SYMPK: variants seen among roughly 807,000 people sequenced by gnomAD.
The protein encoded by SYMPK is symplekin.
Under a neutral mutation model 136.4 loss-of-function variants are expected in SYMPK, and 49 were observed. The ratio of observed to expected loss-of-function variants is 0.36; its 90% CI spans 0.29 to 0.46. The LOEUF is 0.46. SYMPK is among the 20% of genes least tolerant of loss of function. SYMPK has a pLI of 1.00. For missense variants in SYMPK, 1,365 were observed against 1,690.0 expected, an observed-to-expected ratio of 0.81 and a Z score of 3.37; for synonymous variants, 766 against 713.0, an observed-to-expected ratio of 1.07 and a Z score of -1.19.
chr19:45,862,746 C>T (rs1050772449), intron 1 of SYMPK, among the ~76,000 whole-genome samples: 3 of 152,166 alleles, frequency 2.0e-5, no homozygotes, highest in African/African-American at 7.2e-5. Flanking sequence ...TGCAAAATCC[C>T]CGAAGCGGGA....
intron 22 of SYMPK, chr19:45,820,866 C>T (rs1435249178): frequency 2.0e-6 from 1 of 501,094 alleles, no homozygotes; most frequent in Non-Finnish European, 3.5e-6. Context: ...AGGCTCAGGC[C>T]TGTAGGCGTT....
In SYMPK at chr19:45,816,163, G is replaced by T. The variant is rs750695764; in HGVS notation, c.3375C>A (p.Thr1125=). 5 of 1,542,738 alleles carry T rather than the reference G, an allele frequency of 3.2e-6. No individual in the cohort carries two copies. Among genetic ancestry groups the T allele is most frequent in the East Asian group, 2.4e-5 (1 of 42,144 alleles). ...GCCGGGGTGCTGGGGCCGGGGCCAAGGTCAGGGGCTCCAGATCATCCTGGG... is the reference window on the plus strand; with the variant it reads ...GCCGGGGTGCTGGGGCCGGGGCCAATGTCAGGGGCTCCAGATCATCCTGGG... ...PLEEDDLEPL[T]LAPAPAPRPP... is the part of the protein sequence containing the mutation. Residue 1125 remains threonine, a synonymous_variant, in exon 26 of 27, where the codon ACC becomes ACA. Transcript: ENST00000245934.
rs750259200 is a variant in SYMPK, at chr19:45,816,587, G to A, written c.3259-10C>T. 45 of 1,613,308 alleles carry A rather than the reference G, an allele frequency of 2.8e-5. No homozygotes were observed. The highest frequency in any genetic ancestry group is 1.2e-4 in the Admixed American group (7 of 59,986). ...TAGGGATGTGAGCTTGCTGGGTGGA[G>A]AGCAGGAAGGGGGCGCTGGGGGCAG... is the stretch of plus-strand genomic sequence containing the variant. On this transcript the variant is annotated splice_polypyrimidine_tract_variant and intron_variant, in intron 24 of 26. Coordinates refer to ENST00000245934, the MANE Select transcript of SYMPK (RefSeq NM_004819.3).
At chr19:45,845,986 C>T (rs188932507) in intron 7 of SYMPK, among the ~76,000 whole-genome samples, 1 of 152,298 alleles carries the variant, frequency 6.6e-6, no homozygotes, top group African/African-American at 2.4e-5. Context: ...CCTGTAATCC[C>T]AGCACTTTGG....
At chr19:45,825,380 C>A in intron 17 of SYMPK, 49 bp from the exon 18 acceptor site, 1 of 1,582,510 alleles carries the variant, frequency 6.3e-7, no homozygotes, top group Non-Finnish European at 8.6e-7. Flanking sequence ...CTTCTCCAAC[C>A]CCCTCGGACC....
At position 45,831,595 on chromosome 19, in the gene SYMPK, G is replaced by C. The variant is rs571228237; in HGVS notation, c.1394-7C>G. 21 of 1,578,688 alleles carry C rather than the reference G, an allele frequency of 1.3e-5. No individual in the cohort carries two copies. The East Asian group carries it at 4.2e-4, about 31-fold the overall frequency. Reference sequence around the variant, plus strand: ...TGTTTGGTCTGCTCTACACCTGAGGGGGAGGCAGCAAACAGACACCCAGTG... The same window carrying C: ...TGTTTGGTCTGCTCTACACCTGAGGCGGAGGCAGCAAACAGACACCCAGTG... On this transcript the variant is annotated splice_polypyrimidine_tract_variant and splice_region_variant and intron_variant, in intron 11 of 26. Coordinates refer to ENST00000245934, the MANE Select transcript of SYMPK (RefSeq NM_004819.3).
At chr19:45,856,143 T>C (rs999711549) in intron 1 of SYMPK, among the ~76,000 whole-genome samples, 1 of 151,874 alleles carries the variant, frequency 6.6e-6, no homozygotes, top group Admixed American at 6.6e-5. Flanking sequence ...CGTCTGAGGT[T>C]AGGAGTTTGA....
At chr19:45,824,075 G>T (rs746629333) in intron 18 of SYMPK, 200 bp from the exon 19 acceptor site, 10 of 513,192 alleles carry the variant, frequency 1.9e-5, no homozygotes, top group Non-Finnish European at 3.2e-5. Flanking sequence ...CTCCAGACAT[G>T]GGCCTGCTCC....
intron 9 of SYMPK, among the ~76,000 whole-genome samples, chr19:45,840,626 G>T (rs1568619255): frequency 6.6e-6 from 1 of 151,684 alleles, no homozygotes; most frequent in Non-Finnish European, 1.5e-5. Context: ...TCCCACCACT[G>T]CACTCCAGCC....
intron 7 of SYMPK, among the ~76,000 whole-genome samples, chr19:45,846,684 C>G (rs1329892370): frequency 6.6e-6 from 1 of 152,122 alleles, no homozygotes; most frequent in Non-Finnish European, 1.5e-5. Context: ...CAGGAAAGAT[C>G]TGAAAGGAAA....
chr19:45,826,096 G>A (rs1423653156), intron 17 of SYMPK, 130 bp downstream of exon 17: 9 of 1,379,418 alleles, frequency 6.5e-6, no homozygotes, highest in East Asian at 5.0e-5. Context: ...CAGCCCCCAG[G>A]TGGCTGTCCC....
At chr19:45,822,630 G>A (rs1218834201) in intron 21 of SYMPK, 126 bp downstream of exon 21, 1 of 728,400 alleles carries the variant, frequency 1.4e-6, no homozygotes. Context: ...GAGATGTCCA[G>A]TACAGCTGGT....
intron 1 of SYMPK, 82 bp downstream of exon 1, chr19:45,862,976 C>A: frequency 7.5e-6 from 3 of 400,436 alleles, no homozygotes; most frequent in Non-Finnish European, 8.8e-6. Context: ...CTCCCCACGG[C>A]GATGCCCTCC....
rs1324509912 is a variant in SYMPK, at chr19:45,826,263, G to A, written c.2292C>T (p.Asn764=). The A allele has an allele frequency of 1.9e-6, 3 of 1,613,542 alleles. No homozygotes were observed. Among genetic ancestry groups the A allele is most frequent in the Non-Finnish European group, 2.5e-6 (3 of 1,179,776 alleles). Residue 764 remains asparagine (N), a synonymous_variant, in exon 17 of 27, where the codon AAC becomes AAT. Coordinates refer to ENST00000245934, the MANE Select transcript of SYMPK (RefSeq NM_004819.3). ...CAGCTCCAAACAGCACAGACGGTGG[G>A]TTGGGGTGCACCAGGAGCTGCAGGT... ...LNYLQLLVHP[N]PPSVLFGADK... is the part of the protein sequence containing the mutation.
Position 45,822,844 on chromosome 19 carries a change from T to C in SYMPK, c.2703A>G (p.Lys901=), listed in dbSNP as rs1344923253. The part of the protein sequence containing the change: ...LIPVLNGLEK[K]EVIQALPKLI... ...GTTTAGGCAGGGCCTGGATCACCTC[T>C]TTCTACAGGGAGAAGGTGGTGGGGG... The change falls in exon 21 of 27, where the codon AAA becomes AAG. Residue 901 remains lysine, a splice_region_variant and synonymous_variant. Coordinates refer to ENST00000245934, the MANE Select transcript of SYMPK (RefSeq NM_004819.3). The C allele has an allele frequency of 6.2e-7, 1 of 1,613,022 alleles. No individual in the cohort carries two copies. The highest frequency in any genetic ancestry group is 1.3e-5 in the African/African-American group (1 of 74,994).
chr19:45,829,427 A>C (rs1216471320), intron 13 of SYMPK, among the ~76,000 whole-genome samples: 2 of 152,094 alleles, frequency 1.3e-5, no homozygotes. Context: ...AATAAAAATG[A>C]GTTTCTAGGA....
rs866167280 is a variant in SYMPK at position 45,847,983 on chromosome 19, C to T, written c.445G>A (p.Val149Ile). 6.3e-7 allele frequency: 1 copy of T among 1,591,420 alleles called. No homozygotes were observed. Among genetic ancestry groups the T allele is most frequent in the Non-Finnish European group, 8.6e-7 (1 of 1,163,806 alleles). The change falls in exon 7 of 27, where the codon GTC becomes ATC. Residue 149 changes from valine (V) to isoleucine (I), a missense_variant. Val to Ile is a conservative substitution (Grantham distance 29). Around this residue, in one of 11 missense-constraint regions of SYMPK, gnomAD observed 237 missense variants for 292.9 expected, o/e 0.81. Coordinates refer to ENST00000245934, the MANE Select transcript of SYMPK (RefSeq NM_004819.3). ...CAGGCCTCCTGTAGCTCGCTAATGACCCGTGACTTTACCATCCACTGCCAG... is the reference window on the plus strand; with the variant it reads ...CAGGCCTCCTGTAGCTCGCTAATGATCCGTGACTTTACCATCCACTGCCAG... ...VALQWMVKSRVISELQEACWD... is the reference protein window; with the variant it reads ...VALQWMVKSRIISELQEACWD...
At position 45,815,906 on chromosome 19, in the gene SYMPK, G is replaced by A. The variant is rs1384306600; in HGVS notation, c.3632C>T (p.Ser1211Leu). Residue 1211 changes from serine to leucine, a missense_variant, in exon 26 of 27, where the codon TCG becomes TTG. By Grantham distance (145) the Ser-to-Leu change is moderately radical (BLOSUM62 -2). Coordinates refer to ENST00000245934, the MANE Select transcript of SYMPK (RefSeq NM_004819.3). ...PGIFISMDDD[S>L]GLTEAALLDS... ...CAACAGCGCGGCCTCGGTCAGCCCC[G>A]AGTCGTCATCCATGCTGATGAAGAT... The A allele has an allele frequency of 1.9e-6, 3 of 1,612,198 alleles. No individual in the cohort carries two copies. Among genetic ancestry groups the A allele is most frequent in the Non-Finnish European group, 2.5e-6 (3 of 1,179,890 alleles).
At chr19:45,841,976 TA>T (rs937615416) in intron 9 of SYMPK, among the ~76,000 whole-genome samples, 18 of 151,952 alleles carry the variant, frequency 1.2e-4, no homozygotes, top group African/African-American at 4.3e-4. Flanking sequence ...TCATATTAAA[TA>T]CTGTAATTTA....
Sources: allele counts gnomAD v4.1 joint callset (sites outside exome capture counted in the v4.1 genomes callset), GRCh38; gene constraint gnomAD v4.1.1; regional missense constraint gnomAD v4.1.1; transcripts MANE v1.5; gene names NCBI Gene and HGNC (gene_info 2026-07-23, HGNC 2026-07-21).